Variants in F13B observed in about 807,000 individuals in gnomAD.
F13B encodes coagulation factor XIII B chain.
Under a neutral mutation model 79.8 loss-of-function variants are expected in F13B, and 58 were observed. The observed-to-expected ratio is 0.73, with a 90% CI of 0.59 to 0.90. The LOEUF is 0.90. Among genes scored for constraint, F13B ranks in the 40% least tolerant of loss-of-function variants. The pLI is 0.00. For missense variants in F13B, 773 were observed against 777.0 expected, an observed-to-expected ratio of 0.99 and a Z score of 0.06; for synonymous variants, 283 against 260.3, an observed-to-expected ratio of 1.09 and a Z score of -0.84.
Position 197,038,941 on chromosome 1 carries a change from G to A in F13B, c.*437C>T, listed in dbSNP as rs941622017. On this transcript the variant is annotated 3_prime_UTR_variant, in exon 12 of 12. Transcript: ENST00000367412. Reference sequence around the variant, plus strand: ...TTAATAAGGCAGATCCTCTAATACAGCATATAGTTTCTTATCTCTAGTGTG... The same window carrying A: ...TTAATAAGGCAGATCCTCTAATACAACATATAGTTTCTTATCTCTAGTGTG... Among the ~76,000 whole-genome samples the A allele has an allele frequency of 6.6e-6, 1 of 151,964 alleles. No individual in the cohort carries two copies. Among genetic ancestry groups the A allele is most frequent in the East Asian group, 1.9e-4 (1 of 5,186 alleles).
At chr1:197,055,345 T>C (rs1374257695) in intron 8 of F13B, among the ~76,000 whole-genome samples, 1 of 151,998 alleles carries the variant, frequency 6.6e-6, no homozygotes, top group Non-Finnish European at 1.5e-5. Flanking sequence ...AGAATAGGAC[T>C]AATTATTCTT....
intron 5 of F13B, among the ~76,000 whole-genome samples, chr1:197,058,401 C>T (rs1655725448): frequency 6.6e-6 from 1 of 152,122 alleles, no homozygotes; most frequent in Non-Finnish European, 1.5e-5. Context: ...TCCTACAGTC[C>T]TAGAGGCCAG....
chr1:197,050,037 A>T (rs1002984712), intron 10 of F13B, among the ~76,000 whole-genome samples: 27 of 152,106 alleles, frequency 1.8e-4, no homozygotes, highest in East Asian at 7.7e-4. Context: ...CTTGATTTTT[A>T]AAAAAATATT....
intron 10 of F13B, among the ~76,000 whole-genome samples, chr1:197,043,902 G>A (rs1440877680): frequency 6.6e-6 from 1 of 151,900 alleles, no homozygotes; most frequent in Non-Finnish European, 1.5e-5. Flanking sequence ...AACCCATGAA[G>A]GATATCAAGT....
intron 1 of F13B, among the ~76,000 whole-genome samples, chr1:197,063,685 T>A (rs564610510): frequency 6.6e-6 from 1 of 152,312 alleles, no homozygotes; most frequent in African/African-American, 2.4e-5. Context: ...AATAGTCACA[T>A]TCATAAAAAT....
chr1:197,061,476 C>T (rs1334182331), intron 3 of F13B, among the ~76,000 whole-genome samples: 1 of 151,984 alleles, frequency 6.6e-6, no homozygotes, highest in Non-Finnish European at 1.5e-5. Context: ...TGTACATGAT[C>T]TTAAATTCTT....
At chr1:197,061,295 T>C (rs1655853138) in intron 3 of F13B, among the ~76,000 whole-genome samples, 1 of 152,108 alleles carries the variant, frequency 6.6e-6, no homozygotes, top group African/African-American at 2.4e-5. Flanking sequence ...AGTCTACAAG[T>C]GCTTGACCAA....
At chr1:197,062,730 G>T in intron 2 of F13B, 127 bp downstream of exon 2, 1 of 817,870 alleles carries the variant, frequency 1.2e-6, no homozygotes, top group Non-Finnish European at 2.1e-6. Context: ...TAGAAAGACA[G>T]ATTGCTAGTG....
intron 7 of F13B, among the ~76,000 whole-genome samples, chr1:197,056,437 G>A (rs1040609731): frequency 6.6e-6 from 1 of 152,114 alleles, no homozygotes; most frequent in Non-Finnish European, 1.5e-5. Flanking sequence ...ATTAAGAAAT[G>A]AGATAGATGA....
At position 197,062,975 on chromosome 1, in the gene F13B, C is replaced by T. The variant is rs776286731; in HGVS notation, c.147G>A (p.Met49Ile). ...YYTFKSFYFP[M>I]SIDKKLSFFC... ...AAAATGACAATTTTTTGTCTATGCT[C>T]ATTGGAAAGTAAAAGCTTTTAAAAG... Residue 49 changes from methionine (M) to isoleucine (I), a missense_variant, in exon 2 of 12, where the codon ATG becomes ATA. Met to Ile is a conservative substitution (Grantham distance 10). Transcript: ENST00000367412. The T allele has an allele frequency of 7.4e-6, 12 of 1,613,570 alleles. No homozygotes were observed. Among genetic ancestry groups the T allele is most frequent in the Admixed American group, 5.0e-5 (3 of 59,962 alleles).
rs146356864 is a variant in F13B at position 197,048,547 on chromosome 1, T to G, written c.1738+2150A>C. On this transcript the variant is annotated intron_variant, in intron 10 of 11. Coordinates refer to ENST00000367412, the MANE Select transcript of F13B (RefSeq NM_001994.3). The stretch of plus-strand genomic sequence containing the variant: ...TATATATGAAGGAGGTCTTTTAAAA[T>G]TAGACAATGCCAATACACCAAGATA... 3.7e-3 allele frequency among the ~76,000 whole-genome samples: 563 copies of G among 152,044 alleles called. 1 individual carries two copies. Among genetic ancestry groups the G allele is most frequent in the African/African-American group, 0.013 (540 of 41,498 alleles).
intron 1 of F13B, among the ~76,000 whole-genome samples, chr1:197,066,546 T>C (rs150407318): frequency 4.1e-4 from 63 of 152,282 alleles, no homozygotes; most frequent in African/African-American, 1.3e-3. Context: ...TTGGTTTGTT[T>C]GGAAAGTCCT....
At chr1:197,059,275 A>G (rs774002899) in intron 5 of F13B, among the ~76,000 whole-genome samples, 2 of 152,138 alleles carry the variant, frequency 1.3e-5, no homozygotes, top group East Asian at 1.9e-4. Flanking sequence ...TAAAAAATCT[A>G]CTTCTCTACT....
chr1:197,050,618 T>C (rs1655406145), intron 10 of F13B, 79 bp downstream of exon 10: 3 of 1,220,498 alleles, frequency 2.5e-6, no homozygotes, highest in Non-Finnish European at 3.6e-6. Context: ...ATTATATTAG[T>C]GTTATGTTAA....
At chr1:197,060,207 A>T (rs908828690) in intron 5 of F13B, among the ~76,000 whole-genome samples, 159 bp downstream of exon 5, 2 of 152,042 alleles carry the variant, frequency 1.3e-5, no homozygotes, top group Non-Finnish European at 2.9e-5. Flanking sequence ...GATATATTAA[A>T]GATTGCTGAA....
At chr1:197,053,199 C>G (rs1404916431) in intron 8 of F13B, among the ~76,000 whole-genome samples, 2 of 152,052 alleles carry the variant, frequency 1.3e-5, no homozygotes, top group East Asian at 3.9e-4. Context: ...TCCCATGGAG[C>G]TTACCTTCTA....
intron 2 of F13B, 59 bp from the exon 3 acceptor site, chr1:197,062,028 T>A (rs555381397): frequency 4.9e-6 from 7 of 1,437,430 alleles, no homozygotes; most frequent in African/African-American, 1.4e-5. Flanking sequence ...TTTACTAAAT[T>A]GTAAAATTAA....
Position 197,060,495 on chromosome 1 carries a change from G to T in F13B, c.676C>A (p.Pro226Thr). 1 of 1,603,406 alleles carries T rather than the reference G, an allele frequency of 6.2e-7. No homozygotes were observed. Among genetic ancestry groups the T allele is most frequent in the Non-Finnish European group, 8.5e-7 (1 of 1,174,234 alleles). ...CCTTCTTCATAGGTTTGCTTTACAG[G>T]ATGAAAATAACCATTTTCAATTAAT... ...LRLIENGYFH[P>T]VKQTYEEGDV... The change falls in exon 5 of 12, where the codon CCT becomes ACT. Residue 226 changes from proline (P) to threonine (T), a missense_variant. By Grantham distance (38) the Pro-to-Thr change is conservative (BLOSUM62 -1). Coordinates refer to ENST00000367412, the MANE Select transcript of F13B (RefSeq NM_001994.3).
At chr1:197,045,794 C>T (rs995278285) in intron 10 of F13B, among the ~76,000 whole-genome samples, 9 of 152,174 alleles carry the variant, frequency 5.9e-5, no homozygotes, top group Admixed American at 5.9e-4. Context: ...AATCCAGCAG[C>T]ACATCAAAAA....
Sources: allele counts gnomAD v4.1 joint callset (sites outside exome capture counted in the v4.1 genomes callset), GRCh38; gene constraint gnomAD v4.1.1; transcripts MANE v1.5; gene names NCBI Gene and HGNC (gene_info 2026-07-23, HGNC 2026-07-21).